The following AGBL4 variants were observed in gnomAD, a reference collection of about 807,000 sequenced individuals.
AGBL4 encodes AGBL carboxypeptidase 4, also known as cytosolic carboxypeptidase 6.
A neutral mutation model predicts 66.4 loss-of-function variants in AGBL4; 58 were observed. The ratio of observed to expected loss-of-function variants is 0.87; its 90% CI spans 0.71 to 1.09. The LOEUF (loss-of-function observed/expected upper bound fraction) is 1.09. AGBL4 is among the 50% of genes least tolerant of loss of function. The pLI, the probability that AGBL4 is intolerant of heterozygous loss-of-function variation, is 0.00. For synonymous variants in AGBL4, 234 were observed against 222.9 expected, an observed-to-expected ratio of 1.05 and a Z score of -0.44; for missense variants, 579 against 631.0, an observed-to-expected ratio of 0.92 and a Z score of 0.88.
At chr1:48,959,694 T>C (rs150321151) in intron 5 of AGBL4, among the ~76,000 whole-genome samples, 14 of 152,308 alleles carry the variant, frequency 9.2e-5, no homozygotes, top group African/African-American at 2.9e-4. Flanking sequence ...AGGTGAGCCA[T>C]GAGAATATCT....
intron 4 of AGBL4, among the ~76,000 whole-genome samples, chr1:49,063,025 T>C (rs1396012992): frequency 1.3e-5 from 2 of 152,216 alleles, no homozygotes; most frequent in Non-Finnish European, 1.5e-5. Flanking sequence ...AATAATAACA[T>C]GGACTCAGTA....
intron 1 of AGBL4, among the ~76,000 whole-genome samples, chr1:49,939,369 A>C (rs962938511): frequency 5.3e-5 from 8 of 152,180 alleles, no homozygotes; most frequent in African/African-American, 9.7e-5. Context: ...GTTCATATGG[A>C]ACCAAAAACG....
intron 3 of AGBL4, among the ~76,000 whole-genome samples, chr1:49,569,148 T>C (rs188384902): frequency 6.6e-6 from 1 of 152,246 alleles, no homozygotes; most frequent in Non-Finnish European, 1.5e-5. Flanking sequence ...AAACATCACA[T>C]GTTCTCATTT....
intron 4 of AGBL4, among the ~76,000 whole-genome samples, chr1:49,197,378 C>T (rs563893096): frequency 6.6e-6 from 1 of 152,152 alleles, no homozygotes; most frequent in Non-Finnish European, 1.5e-5. Flanking sequence ...AACCATGGTA[C>T]ACTTTGTGTT....
At chr1:49,915,991 C>T (rs547881993) in intron 1 of AGBL4, among the ~76,000 whole-genome samples, 2 of 152,162 alleles carry the variant, frequency 1.3e-5, no homozygotes, top group African/African-American at 2.4e-5. Context: ...AGTGGACCTC[C>T]AGCAAACTCC....
At chr1:48,571,742 T>C (rs939634655) in intron 11 of AGBL4, among the ~76,000 whole-genome samples, 1 of 152,220 alleles carries the variant, frequency 6.6e-6, no homozygotes, top group Non-Finnish European at 1.5e-5. Flanking sequence ...AACTGGCCCA[T>C]GGACACATCC....
At chr1:49,627,761 G>T (rs936185804) in intron 3 of AGBL4, among the ~76,000 whole-genome samples, 1 of 152,126 alleles carries the variant, frequency 6.6e-6, no homozygotes, top group African/African-American at 2.4e-5. Flanking sequence ...CCTTCACCTG[G>T]TCATATAGGA....
chr1:49,158,044 A>C (rs1026246046), intron 4 of AGBL4, among the ~76,000 whole-genome samples: 2 of 152,036 alleles, frequency 1.3e-5, no homozygotes, highest in Non-Finnish European at 2.9e-5. Context: ...TGTTCACTCT[A>C]ATGATAGTTT....
chr1:49,410,944 T>G (rs1190787055), intron 3 of AGBL4, among the ~76,000 whole-genome samples: 2 of 152,192 alleles, frequency 1.3e-5, no homozygotes. Flanking sequence ...TAAGAAAGTG[T>G]ATTAGTCAGG....
intron 9 of AGBL4, among the ~76,000 whole-genome samples, chr1:48,626,040 C>T (rs1166587118): frequency 1.3e-5 from 2 of 152,210 alleles, no homozygotes; most frequent in Non-Finnish European, 2.9e-5. Flanking sequence ...GCCCCCTGTA[C>T]AATATCACAT....
intron 3 of AGBL4, among the ~76,000 whole-genome samples, chr1:49,263,152 T>C (rs1653382486): frequency 6.6e-6 from 1 of 151,204 alleles, no homozygotes; most frequent in African/African-American, 2.4e-5. Context: ...CTGGGGACTG[T>C]TGTGGGGTGG....
chr1:49,719,793 T>C (rs900426071), intron 2 of AGBL4, among the ~76,000 whole-genome samples: 2 of 152,084 alleles, frequency 1.3e-5, no homozygotes, highest in African/African-American at 4.8e-5. Flanking sequence ...TTTATCCTCA[T>C]GCTATTCTTG....
intron 4 of AGBL4, among the ~76,000 whole-genome samples, chr1:49,046,451 A>G (rs1644082697): frequency 6.6e-6 from 1 of 152,220 alleles, no homozygotes; most frequent in South Asian, 2.1e-4. Context: ...TTTCCACAGA[A>G]GCACTTTGGG....
chr1:49,103,494 T>A (rs1015807600), intron 4 of AGBL4, among the ~76,000 whole-genome samples: 5 of 152,190 alleles, frequency 3.3e-5, no homozygotes, highest in Admixed American at 3.3e-4. Context: ...AAGGGGAAAC[T>A]GCAGCCCCAA....
At chr1:48,772,451 T>C (rs1170741735) in intron 6 of AGBL4, among the ~76,000 whole-genome samples, 1 of 152,118 alleles carries the variant, frequency 6.6e-6, no homozygotes, top group East Asian at 1.9e-4. Context: ...CAGACAATGA[T>C]TAATCCACCT....
chr1:49,204,371 A>G (rs1647964462), intron 4 of AGBL4, among the ~76,000 whole-genome samples: 1 of 152,010 alleles, frequency 6.6e-6, no homozygotes, highest in Admixed American at 6.6e-5. Flanking sequence ...CCTGGCCTCA[A>G]GCAATCCTCC....
At chr1:49,770,521 G>A (rs1440599551) in intron 2 of AGBL4, among the ~76,000 whole-genome samples, 4 of 152,082 alleles carry the variant, frequency 2.6e-5, no homozygotes, top group African/African-American at 9.7e-5. Context: ...TCAGGGTAAC[G>A]CTGACCTTTT....
chr1:49,969,832 A>G (rs912952859), intron 1 of AGBL4, among the ~76,000 whole-genome samples: 1 of 152,180 alleles, frequency 6.6e-6, no homozygotes, highest in Non-Finnish European at 1.5e-5. Context: ...GAGTGCAGAT[A>G]TCTCTTCAAG....
intron 5 of AGBL4, among the ~76,000 whole-genome samples, chr1:48,872,146 A>G (rs1368954154): frequency 6.6e-6 from 1 of 152,218 alleles, no homozygotes; most frequent in Non-Finnish European, 1.5e-5. Context: ...CAGAAAATTC[A>G]GAGTAAAAGT....
Sources: allele counts gnomAD v4.1 joint callset (sites outside exome capture counted in the v4.1 genomes callset), GRCh38; gene constraint gnomAD v4.1.1; transcripts MANE v1.5; gene names NCBI Gene and HGNC (gene_info 2026-07-23, HGNC 2026-07-21).